SMARCA1: variants seen among roughly 807,000 people sequenced by gnomAD.
The protein encoded by SMARCA1 is SWI/SNF-related matrix-associated actin-dependent regulator of chromatin subfamily A member 1.
Under a neutral mutation model 93.6 loss-of-function variants are expected in SMARCA1, and 17 were observed. That is an observed-to-expected ratio of 0.18 (90% CI 0.12 to 0.27). The LOEUF (loss-of-function observed/expected upper bound fraction) is 0.27. SMARCA1 is among the 10% of genes least tolerant of loss of function. The pLI is 1.00. For missense variants in SMARCA1, 630 were observed against 819.0 expected, an observed-to-expected ratio of 0.77 and a Z score of 2.82; for synonymous variants, 271 against 271.4, an observed-to-expected ratio of 1.00 and a Z score of 0.01.
chrX:129,479,216 C>T (rs1342450619), intron 19 of SMARCA1, among the ~76,000 whole-genome samples: 3 of 111,818 alleles, frequency 2.7e-5, no homozygotes, highest in African/African-American at 9.7e-5. Context: ...ATGAACGTAA[C>T]AGAAAATAAT....
intron 1 of SMARCA1, among the ~76,000 whole-genome samples, chrX:129,519,789 C>G: frequency 1.8e-5 from 2 of 111,673 alleles, no homozygotes; most frequent in Middle Eastern, 9.4e-3. Context: ...ATTTTCAAAG[C>G]AACAAGAAAA....
intron 7 of SMARCA1, among the ~76,000 whole-genome samples, chrX:129,507,179 G>C (rs767046212): frequency 2.2e-4 from 24 of 111,607 alleles, no homozygotes; most frequent in African/African-American, 7.2e-4. Flanking sequence ...AATTAGCCCA[G>C]TGATCCAAAG....
intron 23 of SMARCA1, among the ~76,000 whole-genome samples, chrX:129,455,813 TAA>T (rs1452139062): frequency 8.9e-6 from 1 of 111,783 alleles, no homozygotes; most frequent in Non-Finnish European, 1.9e-5. Context: ...AAGAAAAGTT[TAA>T]AGTTGGTGGA....
At position 129,448,993 on chromosome X, in the gene SMARCA1, A is replaced by C. The variant is rs966499852; in HGVS notation, c.3031-550T>G. Among the ~76,000 whole-genome samples, 4 of 108,363 alleles carry C rather than the reference A, an allele frequency of 3.7e-5. No individual in the cohort carries two copies. The South Asian group carries it at 1.2e-3, about 33-fold the overall frequency. The allele number at this position is 108,363 out of a possible 115,157, so 94.1% of individuals were successfully genotyped here. A position where few individuals can be genotyped will look rare whatever the true frequency, so the allele number is the denominator to read the frequency against. On this transcript the variant is annotated intron_variant, in intron 23 of 24. Transcript: ENST00000371121. ...ACACACACACACACACACACACACG[A>C]GCGCATGTATAACTGATGAAATCTG...
intron 6 of SMARCA1, among the ~76,000 whole-genome samples, chrX:129,511,204 AC>A (rs1363417084): frequency 1.8e-5 from 2 of 110,967 alleles, no homozygotes; most frequent in Admixed American, 1.9e-4. Context: ...TGATTTAAAC[AC>A]CCCCCTAAAA....
In SMARCA1 at chrX:129,490,068, A is replaced by G. The variant is rs758912108; in HGVS notation, c.1940T>C (p.Ile647Thr). The G allele has an allele frequency of 1.7e-6, 2 of 1,182,088 alleles. No individual in the cohort carries two copies. The highest frequency in any genetic ancestry group is 2.3e-6 in the Non-Finnish European group (2 of 873,034). ...TTTCTATGTATAAATACCTTGTTGT[A>G]TAACAATTGAATCGAGTCTCAGTTT... ...EIKLRLDSIV[I>T]QQGRLIDQQS... is the part of the protein sequence containing the mutation. Residue 647 changes from isoleucine (I) to threonine (T), a missense_variant, in exon 15 of 25, where the codon ATA becomes ACA. Transcript: ENST00000371121.
chrX:129,480,513 G>T (rs968576320), intron 19 of SMARCA1, among the ~76,000 whole-genome samples, 188 bp downstream of exon 19: 4 of 111,928 alleles, frequency 3.6e-5, no homozygotes. Flanking sequence ...AGTGATGACT[G>T]TACTGGTGAT....
chrX:129,523,479 T>G lies in SMARCA1; in HGVS notation c.-109A>C, dbSNP rs1376217982. 3.3e-6 allele frequency: 2 copies of G among 607,903 alleles called. No homozygotes were observed. The highest frequency in any genetic ancestry group is 5.5e-4 in the Middle Eastern group (1 of 1,807). The allele number at this position is 607,903 out of a possible 1,213,427, so 50.1% of individuals were successfully genotyped here. On this transcript the variant is annotated 5_prime_UTR_variant, in exon 1 of 25. Coordinates refer to ENST00000371121, the MANE Select transcript of SMARCA1 (RefSeq NM_001282874.2). ...AGATGGAGCAGGGGTGGGGAATCAC[T>G]CCGCTTCCAACCCCTTCGCTCAGGC...
chrX:129,449,679 T>C (rs1932192477), intron 23 of SMARCA1, among the ~76,000 whole-genome samples: 3 of 111,828 alleles, frequency 2.7e-5, no homozygotes, highest in South Asian at 7.4e-4. Context: ...GGATAAATAA[T>C]ATTTTAAAAT....
intron 19 of SMARCA1, among the ~76,000 whole-genome samples, chrX:129,476,442 A>G (rs1268043054): frequency 8.9e-6 from 1 of 112,163 alleles, no homozygotes; most frequent in African/African-American, 3.2e-5. Flanking sequence ...AGGAAGTACA[A>G]GGAAACCACT....
chrX:129,466,621 C>T (rs1212286100), intron 21 of SMARCA1, among the ~76,000 whole-genome samples: 1 of 111,123 alleles, frequency 9.0e-6, no homozygotes, highest in Non-Finnish European at 1.9e-5. Flanking sequence ...CGCCACTGCA[C>T]TCCAGCCTGG....
At chrX:129,460,049 C>A (rs1932779647) in intron 23 of SMARCA1, among the ~76,000 whole-genome samples, 1 of 110,881 alleles carries the variant, frequency 9.0e-6, no homozygotes, top group African/African-American at 3.3e-5. Context: ...ACTCAGGAGG[C>A]TGAGGTGGGA....
intron 21 of SMARCA1, 36 bp from the exon 22 acceptor site, chrX:129,465,998 T>C (rs1932899449): frequency 1.5e-6 from 1 of 685,033 alleles, no homozygotes; most frequent in African/African-American, 2.2e-5. Flanking sequence ...AATCCTATCA[T>C]TTAAGCAAAT....
chrX:129,518,900 A>C (rs931323161), intron 1 of SMARCA1, among the ~76,000 whole-genome samples: 1 of 111,704 alleles, frequency 9.0e-6, no homozygotes, highest in Non-Finnish European at 1.9e-5. Context: ...AGAAAAAAAA[A>C]CTGTGGTTTC....
chrX:129,472,977 C>T (rs1164525211), intron 19 of SMARCA1, among the ~76,000 whole-genome samples: 2 of 111,256 alleles, frequency 1.8e-5, no homozygotes, highest in African/African-American at 6.5e-5. Context: ...ATGAGCTGTA[C>T]CTTAAGAACT....
At chrX:129,482,333 TA>T (rs1343404813) in intron 17 of SMARCA1, among the ~76,000 whole-genome samples, 3 of 109,108 alleles carry the variant, frequency 2.7e-5, no homozygotes, top group Admixed American at 9.8e-5. Context: ...AAGTATAATT[TA>T]AAAAAATTTA....
At chrX:129,494,441 T>C (rs1000100117) in intron 12 of SMARCA1, among the ~76,000 whole-genome samples, 1 of 111,844 alleles carries the variant, frequency 8.9e-6, no homozygotes, top group Non-Finnish European at 1.9e-5. Context: ...TTATTGCAAC[T>C]GTTTCCCCAT....
Position 129,504,716 on chromosome X carries a change from T to C in SMARCA1, c.1167+18A>G, listed in dbSNP as rs771626280. ...TATACTATTTAATTACTGAATGTTC[T>C]TGTCTGCTATTACTTACTGCATGAA... On this transcript the variant is annotated intron_variant, in intron 9 of 24. Coordinates refer to ENST00000371121, the MANE Select transcript of SMARCA1 (RefSeq NM_001282874.2). 2.7e-6 allele frequency: 3 copies of C among 1,108,958 alleles called. No individual in the cohort carries two copies. Among genetic ancestry groups the C allele is most frequent in the African/African-American group, 1.8e-5 (1 of 55,620 alleles). 91.4% of individuals were successfully genotyped at this position (1,108,958 alleles called of 1,213,427 possible). A position where few individuals can be genotyped will look rare whatever the true frequency, so the allele number is the denominator to read the frequency against.
rs1255399044 is a variant in SMARCA1 at position 129,471,306 on chromosome X, G to C, written c.2463C>G (p.Ile821Met). The change falls in exon 20 of 25, where the codon ATC becomes ATG. Residue 821 changes from isoleucine to methionine, a missense_variant. Physicochemically the swap from Ile to Met is conservative, Grantham distance 10. Around this residue, in one of 4 missense-constraint regions of SMARCA1, gnomAD observed 52 missense variants for 38.3 expected, o/e 1.36. Coordinates refer to ENST00000371121, the MANE Select transcript of SMARCA1 (RefSeq NM_001282874.2). ...CTCTTTGAGCCAGAGCTGGATTTGGGATATCAGGATTCCTTGGAACCTATA... is the reference window on the plus strand; with the variant it reads ...CTCTTTGAGCCAGAGCTGGATTTGGCATATCAGGATTCCTTGGAACCTATA... ...IGYKVPRNPD[I>M]PNPALAQREE... 2 of 1,196,372 alleles carry C rather than the reference G, an allele frequency of 1.7e-6. No homozygotes were observed. Among genetic ancestry groups the C allele is most frequent in the Non-Finnish European group, 2.3e-6 (2 of 885,675 alleles).
Sources: allele counts gnomAD v4.1 joint callset (sites outside exome capture counted in the v4.1 genomes callset), GRCh38; gene constraint gnomAD v4.1.1; regional missense constraint gnomAD v4.1.1; transcripts MANE v1.5; gene names NCBI Gene and HGNC (gene_info 2026-07-23, HGNC 2026-07-21).